WDTC1: variants seen among roughly 807,000 people sequenced by gnomAD.
The protein encoded by WDTC1 is WD and tetratricopeptide repeats 1.
A neutral mutation model predicts 76.0 loss-of-function variants in WDTC1; 12 were observed. The observed-to-expected ratio is 0.16, with a 90% confidence interval of 0.10 to 0.26. WDTC1 has a LOEUF of 0.26. Among genes scored for constraint, WDTC1 ranks in the 10% least tolerant of loss-of-function variants. The pLI is 1.00. For synonymous variants in WDTC1, 326 were observed against 350.8 expected, an observed-to-expected ratio of 0.93 and a Z score of 0.79; for missense variants, 511 against 908.8, an observed-to-expected ratio of 0.56 and a Z score of 5.63.
chr1:27,273,206 C>CTT (rs57130485), intron 3 of WDTC1, among the ~76,000 whole-genome samples: 4,253 of 103,580 alleles, frequency 0.041, 330 homozygotes, highest in Non-Finnish European at 0.054. Flanking sequence ...TTTTTCTTTT[C>CTT]TTTTTTTTTT....
In WDTC1 at chr1:27,234,735, G is replaced by A; in HGVS notation, c.-316G>A. 2.5e-6 allele frequency: 1 copy of A among 399,684 alleles called. No homozygotes were observed. The highest frequency in any genetic ancestry group is 4.4e-6 in the Non-Finnish European group (1 of 226,924). The allele number at this position is 399,684 out of a possible 1,614,324, so 24.8% of individuals were successfully genotyped here. On this transcript the variant is annotated 5_prime_UTR_variant, in exon 1 of 16. Coordinates refer to ENST00000319394, the MANE Select transcript of WDTC1 (RefSeq NM_001276252.2). ...CGCGAGGGAGTGTGAGTGTGTGTGA[G>A]CGCGGGTGTGAGGCGGTGCGCAGGG...
intron 10 of WDTC1, 88 bp from the exon 11 acceptor site, chr1:27,296,940 TCCCACGATGGAACCATCAGA>T (rs1469519080): frequency 7.2e-6 from 7 of 966,962 alleles, no homozygotes; most frequent in Non-Finnish European, 1.1e-5. Flanking sequence ...GGGAGAACAG[TCCCACGATGGAACCATCAGA>T]CCCCGTGATG....
In WDTC1 at chr1:27,303,607, A is replaced by T. The variant is rs1439580491; in HGVS notation, c.1469-14A>T. 6.4e-7 allele frequency: 1 copy of T among 1,572,394 alleles called. No homozygotes were observed. The highest frequency in any genetic ancestry group is 2.3e-5 in the East Asian group (1 of 43,252). The stretch of plus-strand genomic sequence containing the variant: ...GGAACAAGGCGCTTACCTTTTCTGG[A>T]TCTCTGCCCCCAGAGGAGAAGAAGG... On this transcript the variant is annotated splice_polypyrimidine_tract_variant and intron_variant, in intron 13 of 15. Coordinates refer to ENST00000319394, the MANE Select transcript of WDTC1 (RefSeq NM_001276252.2). This position sits in a 1 kb window ranked among gnomAD's most constrained non-coding sequence, Gnocchi z 4.8.
intron 5 of WDTC1, among the ~76,000 whole-genome samples, chr1:27,286,179 T>C (rs2013330136): frequency 6.6e-6 from 1 of 151,760 alleles, no homozygotes; most frequent in African/African-American, 2.4e-5. Flanking sequence ...CTAATTTTTT[T>C]TGTAGTAAAG....
chr1:27,246,640 C>T (rs895592729), intron 1 of WDTC1, among the ~76,000 whole-genome samples: 1 of 151,894 alleles, frequency 6.6e-6, no homozygotes, highest in Non-Finnish European at 1.5e-5. Flanking sequence ...GGGCTTACTG[C>T]AACCTCCGCC....
intron 10 of WDTC1, 30 bp from the exon 11 acceptor site, chr1:27,297,018 T>C (rs769609785): frequency 1.2e-6 from 2 of 1,606,828 alleles, no homozygotes; most frequent in Non-Finnish European, 1.7e-6. Context: ...CCTGAGTTGT[T>C]GCTGTCACTT....
At position 27,234,653 on chromosome 1, in the gene WDTC1, A is replaced by C; in HGVS notation, c.-398A>C. On this transcript the variant is annotated 5_prime_UTR_variant, in exon 1 of 16. Transcript: ENST00000319394. ...TGCTGGGCTTCTCCTGGGTCCCCAG[A>C]CAGCTGGAGGAGATAAACAGAGGAG... The C allele has an allele frequency of 6.3e-5, 24 of 383,642 alleles. No individual in the cohort carries two copies. Among genetic ancestry groups the C allele is most frequent in the Middle Eastern group, 6.6e-4 (1 of 1,520 alleles). 23.8% of individuals were successfully genotyped at this position (383,642 alleles called of 1,614,324 possible).
intron 1 of WDTC1, among the ~76,000 whole-genome samples, chr1:27,241,194 A>G (rs1461971083): frequency 2.0e-5 from 3 of 152,110 alleles, no homozygotes; most frequent in African/African-American, 7.2e-5. Flanking sequence ...CAGTGCCAAG[A>G]ATAATGACCC....
chr1:27,256,410 A>G (rs943676833), intron 1 of WDTC1, among the ~76,000 whole-genome samples: 1 of 152,198 alleles, frequency 6.6e-6, no homozygotes, highest in African/African-American at 2.4e-5. Flanking sequence ...AGAGAATCTC[A>G]GTCACCTCCT....
chr1:27,247,918 A>C (rs1432831317), intron 1 of WDTC1, among the ~76,000 whole-genome samples: 1 of 152,038 alleles, frequency 6.6e-6, no homozygotes, highest in South Asian at 2.1e-4. Flanking sequence ...GGGTTTCTCC[A>C]CGTTGGCCAG....
chr1:27,240,055 A>G (rs1166314812), intron 1 of WDTC1, among the ~76,000 whole-genome samples: 1 of 151,682 alleles, frequency 6.6e-6, no homozygotes, highest in Admixed American at 6.6e-5. Flanking sequence ...TGCCTGGATA[A>G]TTTTTGTATT....
chr1:27,254,953 T>A (rs1473326851), intron 1 of WDTC1, among the ~76,000 whole-genome samples: 1 of 152,060 alleles, frequency 6.6e-6, no homozygotes, highest in African/African-American at 2.4e-5. Flanking sequence ...TTTTTTTTTT[T>A]AAACCTGTCT....
At chr1:27,276,107 C>T (rs2013020790) in intron 3 of WDTC1, among the ~76,000 whole-genome samples, 1 of 152,190 alleles carries the variant, frequency 6.6e-6, no homozygotes. Flanking sequence ...GTACCACATT[C>T]TGTCTATCCA....
chr1:27,270,791 C>T (rs1483504765), intron 3 of WDTC1, among the ~76,000 whole-genome samples: 1 of 152,166 alleles, frequency 6.6e-6, no homozygotes, highest in Non-Finnish European at 1.5e-5. Context: ...ACAGATGTTG[C>T]CAAATTCTTC....
chr1:27,256,392 C>A (rs1261614995), intron 1 of WDTC1, among the ~76,000 whole-genome samples: 1 of 152,140 alleles, frequency 6.6e-6, no homozygotes, highest in Non-Finnish European at 1.5e-5. Context: ...TGCAAGGGAG[C>A]CTCAGAAAGA....
At chr1:27,261,191 C>A in intron 2 of WDTC1, 89 bp downstream of exon 2, 1 of 1,525,244 alleles carries the variant, frequency 6.6e-7, no homozygotes. Flanking sequence ...AATCTATAGT[C>A]TGTGACTTGC....
upstream of WDTC1, chr1:27,234,613 G>A: frequency 2.5e-6 from 1 of 392,932 alleles, no homozygotes; most frequent in Non-Finnish European, 4.5e-6. Context: ...CGGAGACTGC[G>A]TGGCGCAGGC....
At chr1:27,299,969 C>T (rs2013790316) in intron 12 of WDTC1, among the ~76,000 whole-genome samples, 1 of 152,214 alleles carries the variant, frequency 6.6e-6, no homozygotes, top group Admixed American at 6.5e-5. Context: ...TCTGGTCTGG[C>T]TCTCCCCAGG....
intron 5 of WDTC1, among the ~76,000 whole-genome samples, chr1:27,286,292 G>A (rs1179840514): frequency 6.6e-6 from 1 of 150,770 alleles, no homozygotes; most frequent in Non-Finnish European, 1.5e-5. Flanking sequence ...TGTGAGCCAC[G>A]GCACCTGGCC....
Sources: gnomAD v4.1 joint callset for allele counts (sites outside exome capture counted in the v4.1 genomes callset) on GRCh38, gnomAD v4.1.1 for gene constraint, Gnocchi (gnomAD v3.1) non-coding constraint, MANE v1.5 for transcripts, NCBI Gene and HGNC (gene_info 2026-07-23, HGNC 2026-07-21) for gene names.